KIRREL1: variants seen among roughly 807,000 people sequenced by gnomAD.
KIRREL1 encodes the protein kin of IRRE-like protein 1.
In KIRREL1, 25 loss-of-function variants were observed where a neutral mutation model predicts 83.3. That is an observed-to-expected ratio of 0.30 (90% CI 0.22 to 0.42). The LOEUF is 0.42. Among genes scored for constraint, KIRREL1 ranks in the 10% least tolerant of loss-of-function variants. The pLI, the probability that KIRREL1 is intolerant of heterozygous loss-of-function variation, is 1.00. For missense variants in KIRREL1, 812 were observed against 1,032.3 expected (o/e 0.79, Z 2.92); for synonymous variants, 388 against 410.4 (o/e 0.95, Z 0.66).
intron 1 of KIRREL1, among the ~76,000 whole-genome samples, chr1:158,057,453 T>C (rs1661096818): frequency 6.6e-6 from 1 of 152,170 alleles, no homozygotes; most frequent in South Asian, 2.1e-4. Context: ...TTTTAATTTG[T>C]CTCCAGGGCT....
rs138354641 is a variant in KIRREL1 at position 158,091,079 on chromosome 1, A to C, written c.1273-279A>C. ...CTCCCTGGAGATTCCTATTTAGGAC[A>C]TAAGTCCCAAATATCTACATTTGAA... On this transcript the variant is annotated intron_variant, in intron 10 of 14. Coordinates refer to ENST00000359209, the MANE Select transcript of KIRREL1 (RefSeq NM_018240.7). Among the ~76,000 whole-genome samples the C allele has an allele frequency of 1.5e-3, 224 of 152,362 alleles. 2 individuals carry two copies. The highest frequency in any genetic ancestry group is 5.2e-3 in the African/African-American group (218 of 41,584).
At chr1:158,088,701 G>C (rs1347936718) in intron 8 of KIRREL1, among the ~76,000 whole-genome samples, 1 of 151,532 alleles carries the variant, frequency 6.6e-6, no homozygotes. Flanking sequence ...AGCCAGGATG[G>C]TCTCGATCTC....
intron 1 of KIRREL1, among the ~76,000 whole-genome samples, chr1:158,056,625 G>C (rs537058341): frequency 6.6e-6 from 1 of 152,336 alleles, no homozygotes; most frequent in East Asian, 1.9e-4. Flanking sequence ...TGTCACTGCT[G>C]TCACATTTGG....
intron 7 of KIRREL1, 81 bp downstream of exon 7, chr1:158,088,235 T>C (rs967038200): frequency 3.4e-5 from 54 of 1,605,378 alleles, no homozygotes; most frequent in Admixed American, 1.8e-4. Context: ...GACTGCTCCA[T>C]GAATGGGGAG....
chr1:158,068,694 C>T (rs138487057), intron 1 of KIRREL1, among the ~76,000 whole-genome samples: 6 of 152,296 alleles, frequency 3.9e-5, no homozygotes, highest in Non-Finnish European at 5.9e-5. Context: ...CTTCGCCCTT[C>T]GATGGCCCAG....
chr1:158,051,879 C>T (rs1208288413), intron 1 of KIRREL1, among the ~76,000 whole-genome samples: 1 of 152,204 alleles, frequency 6.6e-6, no homozygotes, highest in East Asian at 1.9e-4. Flanking sequence ...AATGACCTCC[C>T]TTCCTCTCAG....
Position 158,095,177 on chromosome 1 carries a change from G to A in KIRREL1, c.*57G>A, listed in dbSNP as rs955754789. ...GGCAGAGGAGAAGGCTTTCACAGCT[G>A]TTCCCTGATATTCAGGGGCATTGCT... On this transcript the variant is annotated 3_prime_UTR_variant, in exon 15 of 15. Coordinates refer to ENST00000359209, the MANE Select transcript of KIRREL1 (RefSeq NM_018240.7). The A allele has an allele frequency of 5.6e-6, 7 of 1,245,358 alleles. No homozygotes were observed. The Admixed American group carries it at 1.1e-4, about 20-fold the overall frequency. The allele number at this position is 1,245,358 out of a possible 1,614,324, so 77.1% of individuals were successfully genotyped here.
Position 158,088,646 on chromosome 1 carries a change from G to A in KIRREL1, c.1044+192G>A, listed in dbSNP as rs568358063. ...ACTACAGGCGCCCGCTACCACGCCC[G>A]GCTAATTTTTTGTATTTTTAGTAGA... On this transcript the variant is annotated intron_variant, in intron 8 of 14. Coordinates refer to ENST00000359209, the MANE Select transcript of KIRREL1 (RefSeq NM_018240.7). 9.9e-4 allele frequency among the ~76,000 whole-genome samples: 150 copies of A among 151,346 alleles called. 1 individual carries two copies. The highest frequency in any genetic ancestry group is 2.0e-3 in the Admixed American group (30 of 15,210).
Position 158,093,372 on chromosome 1 carries a change from C to T in KIRREL1, c.1505C>T (p.Thr502Ile). 1 of 1,614,212 alleles carries T rather than the reference C, an allele frequency of 6.2e-7. No individual in the cohort carries two copies. Among genetic ancestry groups the T allele is most frequent in the Non-Finnish European group, 8.5e-7 (1 of 1,180,032 alleles). ...VLPVGIIAGA[T>I]IGASILLIFF... ...CCTGTGGGCATCATAGCTGGGGCCA[C>T]CATCGGCGCGAGCATCCTGCTCATC... Residue 502 changes from threonine (T) to isoleucine (I), a missense_variant, in exon 12 of 15, where the codon ACC becomes ATC. Coordinates refer to ENST00000359209, the MANE Select transcript of KIRREL1 (RefSeq NM_018240.7).
intron 1 of KIRREL1, among the ~76,000 whole-genome samples, chr1:157,994,485 A>G (rs1233559731): frequency 1.3e-5 from 2 of 151,520 alleles, no homozygotes; most frequent in Admixed American, 6.6e-5. Context: ...GGCTTATTTG[A>G]CACTGGCAGG....
At chr1:158,010,344 CA>C (rs1659639678) in intron 1 of KIRREL1, among the ~76,000 whole-genome samples, 1 of 147,988 alleles carries the variant, frequency 6.8e-6, no homozygotes, top group Non-Finnish European at 1.5e-5. Flanking sequence ...CACACACACA[CA>C]CACACACACA....
At chr1:158,014,358 A>G (rs1026516864) in intron 1 of KIRREL1, among the ~76,000 whole-genome samples, 22 of 152,168 alleles carry the variant, frequency 1.4e-4, no homozygotes, top group African/African-American at 5.3e-4. Context: ...TGAAAACCCA[A>G]TAGGGGTAAA....
At chr1:158,084,644 A>G (rs368789424) in intron 4 of KIRREL1, 65 bp downstream of exon 4, 2 of 1,508,568 alleles carry the variant, frequency 1.3e-6, no homozygotes, top group South Asian at 2.5e-5. Flanking sequence ...CCTTTCCCAC[A>G]GGGGTTTCAC....
intron 1 of KIRREL1, among the ~76,000 whole-genome samples, chr1:158,056,557 C>G (rs12565336): frequency 0.078 from 11,847 of 152,190 alleles, 491 homozygotes; most frequent in Middle Eastern, 0.16. Context: ...CAGCACCTGC[C>G]CCAGGTGTGT....
chr1:158,093,051 A>G (rs1398629324), intron 11 of KIRREL1, among the ~76,000 whole-genome samples: 1 of 152,188 alleles, frequency 6.6e-6, no homozygotes, highest in Non-Finnish European at 1.5e-5. Context: ...TCGACAGACA[A>G]CCAAGACCAG....
chr1:158,035,107 G>A (rs1660438635), intron 1 of KIRREL1, among the ~76,000 whole-genome samples: 1 of 152,070 alleles, frequency 6.6e-6, no homozygotes, highest in Admixed American at 6.5e-5. Flanking sequence ...TCTGGGAATT[G>A]AAGCAGGAAC....
chr1:158,024,303 G>A (rs554828231), intron 1 of KIRREL1, among the ~76,000 whole-genome samples: 1 of 102,024 alleles, frequency 9.8e-6, no homozygotes, highest in African/African-American at 3.9e-5. Context: ...TTTTGAGACA[G>A]AGTATTGCTC....
At chr1:158,071,221 G>A (rs1421355497) in intron 1 of KIRREL1, among the ~76,000 whole-genome samples, 1 of 152,156 alleles carries the variant, frequency 6.6e-6, no homozygotes, top group Non-Finnish European at 1.5e-5. Context: ...TTCCTACAGA[G>A]CTCGCCTCTT....
At chr1:158,065,720 A>G (rs2101611179) in intron 1 of KIRREL1, among the ~76,000 whole-genome samples, 1 of 152,022 alleles carries the variant, frequency 6.6e-6, no homozygotes, top group Non-Finnish European at 1.5e-5. Flanking sequence ...GCTCCCTTCC[A>G]TTTCCCAAAG....
Sources: gnomAD v4.1 joint callset for allele counts (sites outside exome capture counted in the v4.1 genomes callset) on GRCh38, gnomAD v4.1.1 for gene constraint, MANE v1.5 for transcripts, NCBI Gene and HGNC (gene_info 2026-07-23, HGNC 2026-07-21) for gene names.